The following ATL3 variants were observed in gnomAD, a reference collection of about 807,000 sequenced individuals.
The protein encoded by ATL3 is atlastin GTPase 3.
A neutral mutation model predicts 69.5 loss-of-function variants in ATL3; 49 were observed. The ratio of observed to expected loss-of-function variants is 0.71; its 90% CI spans 0.56 to 0.89. ATL3 has a LOEUF of 0.89. Among genes scored for constraint, ATL3 ranks in the 40% least tolerant of loss-of-function variants. ATL3 has a pLI of 0.00. For missense variants in ATL3, 606 were observed against 645.7 expected, an observed-to-expected ratio of 0.94 and a Z score of 0.67; for synonymous variants, 214 against 224.1, an observed-to-expected ratio of 0.95 and a Z score of 0.40.
intron 3 of ATL3, among the ~76,000 whole-genome samples, chr11:63,655,236 C>T (rs568270351): frequency 3.9e-5 from 6 of 152,224 alleles, no homozygotes; most frequent in East Asian, 1.9e-4. Flanking sequence ...CTGCAATCTC[C>T]GCCGCCCAGG....
rs571820229 is a variant in ATL3 at position 63,642,974 on chromosome 11, A to C, written c.850+383T>G. Among the ~76,000 whole-genome samples the C allele has an allele frequency of 2.0e-5, 3 of 152,356 alleles. No homozygotes were observed. The Middle Eastern group carries it at 0.01, about 518-fold the overall frequency. On this transcript the variant is annotated intron_variant, in intron 8 of 12. Transcript: ENST00000398868. ...ATGACCCAGCGTCAGGTTTTGCTAT[A>C]ATCACAAATAAGATGAAAATAATAG...
At chr11:63,665,677 T>C (rs2134541229) in intron 1 of ATL3, among the ~76,000 whole-genome samples, 1 of 152,192 alleles carries the variant, frequency 6.6e-6, no homozygotes, top group East Asian at 1.9e-4. Context: ...TCACCTGAGA[T>C]CAGGAGTTCG....
At chr11:63,631,679 T>C (rs962099857) in intron 11 of ATL3, among the ~76,000 whole-genome samples, 1 of 152,188 alleles carries the variant, frequency 6.6e-6, no homozygotes, top group Admixed American at 6.5e-5. Flanking sequence ...ATAATATCAA[T>C]TGGAAAGAGC....
At chr11:63,671,601 C>A (rs967140622), upstream of ATL3, 7 of 1,426,578 alleles carry the variant, frequency 4.9e-6, no homozygotes, top group Admixed American at 1.5e-4. Flanking sequence ...CCCGCCACCG[C>A]CTGCCGCGTG....
intron 8 of ATL3, among the ~76,000 whole-genome samples, chr11:63,641,388 A>T (rs529117662): frequency 2.0e-5 from 3 of 152,374 alleles, no homozygotes; most frequent in South Asian, 2.1e-4. Context: ...CTGGAACTTC[A>T]GAAAATCTTA....
rs114963863 is a variant in ATL3 at position 63,655,737 on chromosome 11, C to T, written c.405+3024G>A. ...GTGAGATTACAGACGTGCGCCACCG[C>T]GCCGGCCAAAGAATTTTAAATGAAC... On this transcript the variant is annotated intron_variant, in intron 3 of 12. Transcript: ENST00000398868. 5.3e-3 allele frequency among the ~76,000 whole-genome samples: 812 copies of T among 152,106 alleles called. 7 individuals are homozygous for T. The highest frequency in any genetic ancestry group is 0.018 in the African/African-American group (735 of 41,510).
chr11:63,649,522 A>G (rs931440784), intron 5 of ATL3, among the ~76,000 whole-genome samples: 23 of 151,758 alleles, frequency 1.5e-4, no homozygotes, highest in Non-Finnish European at 3.2e-4. Context: ...AGGTAGAAAT[A>G]TAATTTTATT....
At chr11:63,642,434 A>G (rs549552171) in intron 8 of ATL3, among the ~76,000 whole-genome samples, 3 of 152,350 alleles carry the variant, frequency 2.0e-5, no homozygotes, top group African/African-American at 4.8e-5. Flanking sequence ...TATATTTAAT[A>G]TGAGGCTATG....
intron 8 of ATL3, chr11:63,637,617 GTAAGAATTAT>G (rs1315336830): frequency 6.6e-6 from 1 of 152,136 alleles, no homozygotes; most frequent in Non-Finnish European, 1.5e-5. Context: ...TTTCCTCAAA[GTAAGAATTAT>G]TAGCTGGTCC....
chr11:63,663,119 G>A (rs959964159), intron 1 of ATL3, among the ~76,000 whole-genome samples: 3 of 150,404 alleles, frequency 2.0e-5, no homozygotes, highest in African/African-American at 4.9e-5. Context: ...AGGGTTCTTC[G>A]CACTTTTTTT....
At chr11:63,648,841 G>T (rs61928168) in intron 5 of ATL3, among the ~76,000 whole-genome samples, 3 of 151,464 alleles carry the variant, frequency 2.0e-5, no homozygotes, top group Non-Finnish European at 2.9e-5. Flanking sequence ...AAAAAGGCCA[G>T]GCACGGCGGC....
chr11:63,651,377 G>A (rs1940073406), intron 5 of ATL3, among the ~76,000 whole-genome samples: 1 of 151,446 alleles, frequency 6.6e-6, no homozygotes, highest in African/African-American at 2.4e-5. Context: ...TTGCACTCCA[G>A]CCTGGGGACA....
chr11:63,651,790 G>A, intron 5 of ATL3, 146 bp downstream of exon 5: 1 of 1,171,000 alleles, frequency 8.5e-7, no homozygotes, highest in East Asian at 3.1e-5. Context: ...CCCCACCAAT[G>A]GCTATACATA....
rs1211326719 is a variant in ATL3, at chr11:63,624,950, A to C, written c.*4369T>G. 6.6e-6 allele frequency: 1 copy of C among 152,114 alleles called. No homozygotes were observed. The highest frequency in any genetic ancestry group is 1.5e-5 in the Non-Finnish European group (1 of 68,028). The allele number at this position is 152,114 out of a possible 1,614,324, so 9.4% of individuals were successfully genotyped here. A position where few individuals can be genotyped will look rare whatever the true frequency, so the allele number is the denominator to read the frequency against. ...AGTCTCTCTCTGTGGTCTCTGAACC[A>C]CTATTTATAAAAGTGATGACTCCAG... On this transcript the variant is annotated 3_prime_UTR_variant, in exon 13 of 13. Transcript: ENST00000398868.
chr11:63,646,890 T>C (rs1362639762), intron 5 of ATL3, among the ~76,000 whole-genome samples: 1 of 152,188 alleles, frequency 6.6e-6, no homozygotes, highest in African/African-American at 2.4e-5. Flanking sequence ...TATGGTTAGT[T>C]AGATCATATA....
intron 3 of ATL3, among the ~76,000 whole-genome samples, chr11:63,655,879 C>G (rs1381288774): frequency 6.6e-6 from 1 of 152,054 alleles, no homozygotes; most frequent in Admixed American, 6.6e-5. Flanking sequence ...ATTTGATAAA[C>G]ATTATAAATC....
intron 1 of ATL3, among the ~76,000 whole-genome samples, chr11:63,668,247 C>T (rs979277442): frequency 2.0e-5 from 3 of 152,168 alleles, no homozygotes; most frequent in Non-Finnish European, 4.4e-5. Context: ...TTCTTGCTGG[C>T]AGTCTTTAAG....
At position 63,671,007 on chromosome 11, in the gene ATL3, G is replaced by C. The variant is rs569907657; in HGVS notation, c.46+283C>G. 2.6e-5 allele frequency among the ~76,000 whole-genome samples: 4 copies of C among 152,260 alleles called. No homozygotes were observed. The South Asian group carries it at 8.3e-4, about 32-fold the overall frequency. ...CCGCCCAGGGGCAGCTGCAGCCCAG[G>C]GGAGGAGCTGGAGGAGCCCCCGGCG... is the stretch of plus-strand genomic sequence containing the variant. On this transcript the variant is annotated intron_variant, in intron 1 of 12. Transcript: ENST00000398868.
intron 3 of ATL3, among the ~76,000 whole-genome samples, chr11:63,656,940 G>A (rs748726354): frequency 3.2e-4 from 49 of 151,868 alleles, no homozygotes; most frequent in Non-Finnish European, 6.2e-4. Context: ...GGCCAGGTGT[G>A]GTGGCTCACC....
Sources: gnomAD v4.1 joint callset for allele counts (sites outside exome capture counted in the v4.1 genomes callset) on GRCh38, gnomAD v4.1.1 for gene constraint, MANE v1.5 for transcripts, NCBI Gene and HGNC (gene_info 2026-07-23, HGNC 2026-07-21) for gene names.